TSPAN18: variants seen among roughly 807,000 people sequenced by gnomAD.
TSPAN18 encodes tetraspanin 18.
TSPAN18 carries 14 observed loss-of-function variants against 27.3 expected under a neutral mutation model. The ratio of observed to expected loss-of-function variants is 0.51; its 90% CI spans 0.34 to 0.80. The LOEUF (loss-of-function observed/expected upper bound fraction) is 0.80, where lower values mean the gene tolerates loss of function less well. Ranked by LOEUF, TSPAN18 falls within the 30% of genes least tolerant of loss-of-function variation. TSPAN18 has a pLI of 0.01. For synonymous variants in TSPAN18, 143 were observed against 136.5 expected, an observed-to-expected ratio of 1.05 and a Z score of -0.33; for missense variants, 268 against 323.9, an observed-to-expected ratio of 0.83 and a Z score of 1.32.
intron 3 of TSPAN18, among the ~76,000 whole-genome samples, chr11:44,865,992 G>A (rs1233510152): frequency 6.6e-6 from 1 of 152,242 alleles, no homozygotes; most frequent in Non-Finnish European, 1.5e-5. Flanking sequence ...AATGTGGATG[G>A]CCACCTGCTG....
intron 3 of TSPAN18, among the ~76,000 whole-genome samples, chr11:44,900,223 G>T (rs1447328538): frequency 6.6e-6 from 1 of 152,248 alleles, no homozygotes; most frequent in African/African-American, 2.4e-5. Context: ...GGATGGAGCA[G>T]GCAAGCCCTG....
chr11:44,761,487 A>C (rs1855454306), intron 1 of TSPAN18, among the ~76,000 whole-genome samples: 1 of 152,092 alleles, frequency 6.6e-6, no homozygotes, highest in Admixed American at 6.5e-5. Context: ...CTTAAATGGG[A>C]ATTAGGATTA....
chr11:44,747,407 G>A (rs1353624252), intron 1 of TSPAN18, among the ~76,000 whole-genome samples: 1 of 152,208 alleles, frequency 6.6e-6, no homozygotes, highest in Non-Finnish European at 1.5e-5. Flanking sequence ...GACTCAGTAG[G>A]CTTATCTGGA....
intron 2 of TSPAN18, among the ~76,000 whole-genome samples, chr11:44,816,306 T>TTA (rs1292351192): frequency 6.6e-6 from 1 of 152,190 alleles, no homozygotes. Flanking sequence ...TGCCACACAT[T>TTA]TGCCATTCCT....
intron 2 of TSPAN18, among the ~76,000 whole-genome samples, chr11:44,782,992 C>G (rs762140902): frequency 6.6e-6 from 1 of 152,066 alleles, no homozygotes; most frequent in East Asian, 1.9e-4. Context: ...CCATGCCTGG[C>G]TAATTTTTGT....
In TSPAN18 at chr11:44,889,768, G is replaced by A. The variant is rs116328978; in HGVS notation, c.-10-16639G>A. On this transcript the variant is annotated intron_variant, in intron 3 of 9. Transcript: ENST00000520358. ...AGCCCTGGACCCCAGATAAACCTCA[G>A]GGGCCTTCTCATCTTGTGGTCTCTG... Among the ~76,000 whole-genome samples the A allele has an allele frequency of 6.4e-3, 971 of 152,346 alleles. 16 individuals carry two copies. Among genetic ancestry groups the A allele is most frequent in the African/African-American group, 0.022 (930 of 41,574 alleles).
At chr11:44,901,497 A>T (rs1384113969) in intron 3 of TSPAN18, among the ~76,000 whole-genome samples, 1 of 152,168 alleles carries the variant, frequency 6.6e-6, no homozygotes, top group Non-Finnish European at 1.5e-5. Context: ...GCACAGGACT[A>T]CTCAGCCTCT....
intron 8 of TSPAN18, among the ~76,000 whole-genome samples, chr11:44,923,185 C>A (rs1233425776): frequency 2.0e-5 from 3 of 152,116 alleles, no homozygotes; most frequent in Non-Finnish European, 2.9e-5. Context: ...TGGGGTGGAG[C>A]TGGAGGGGTC....
intron 3 of TSPAN18, among the ~76,000 whole-genome samples, chr11:44,875,627 G>C (rs11604383): frequency 0.2 from 31,086 of 152,204 alleles, 3,622 homozygotes; most frequent in East Asian, 0.28. Flanking sequence ...TCAAATCCTT[G>C]TAACTACCTT....
At chr11:44,806,238 T>C (rs1856591537) in intron 2 of TSPAN18, among the ~76,000 whole-genome samples, 1 of 152,108 alleles carries the variant, frequency 6.6e-6, no homozygotes, top group South Asian at 2.1e-4. Flanking sequence ...TTTTGCCATG[T>C]TGGCCAGGCC....
At chr11:44,918,511 G>A (rs1181945480) in intron 6 of TSPAN18, among the ~76,000 whole-genome samples, 2 of 151,300 alleles carry the variant, frequency 1.3e-5, no homozygotes, top group African/African-American at 4.9e-5. Context: ...GTTGACCAGA[G>A]CCAGGCACCA....
intron 6 of TSPAN18, among the ~76,000 whole-genome samples, chr11:44,918,813 C>T (rs937483559): frequency 6.6e-6 from 1 of 151,886 alleles, no homozygotes; most frequent in Non-Finnish European, 1.5e-5. Flanking sequence ...TGTACAAAGA[C>T]TTCCTGCCCG....
chr11:44,781,440 C>T (rs1855937717), intron 2 of TSPAN18, among the ~76,000 whole-genome samples: 1 of 152,220 alleles, frequency 6.6e-6, no homozygotes, highest in South Asian at 2.1e-4. Context: ...TTCTCGATGG[C>T]TGGGACACTG....
chr11:44,892,799 CCTA>C (rs1858896897), intron 3 of TSPAN18, among the ~76,000 whole-genome samples: 1 of 152,242 alleles, frequency 6.6e-6, no homozygotes, highest in African/African-American at 2.4e-5. Context: ...GGTCCTCCAA[CCTA>C]CTGTGTGACT....
In TSPAN18 at chr11:44,931,034, G is replaced by T; in HGVS notation, c.*1856G>T. ...TGCAGCCAGAAGCTCTGTGCCTGCT[G>T]CAAAGATTCAGGTGGACCCTCCTCT... On this transcript the variant is annotated 3_prime_UTR_variant, in exon 10 of 10. Transcript: ENST00000520358. The T allele has an allele frequency of 2.2e-6, 1 of 453,398 alleles. No homozygotes were observed. The allele number at this position is 453,398 out of a possible 1,614,324, so 28.1% of individuals were successfully genotyped here.
intron 2 of TSPAN18, among the ~76,000 whole-genome samples, chr11:44,850,322 C>T (rs886796232): frequency 1.3e-5 from 2 of 152,102 alleles, no homozygotes; most frequent in Non-Finnish European, 2.9e-5. Flanking sequence ...GCCAAGAGAA[C>T]CGATGACAAT....
chr11:44,827,704 C>G (rs960530789), intron 2 of TSPAN18, among the ~76,000 whole-genome samples: 1 of 152,220 alleles, frequency 6.6e-6, no homozygotes, highest in African/African-American at 2.4e-5. Flanking sequence ...CCTGTTCCCA[C>G]TACAAAAGAT....
intron 2 of TSPAN18, among the ~76,000 whole-genome samples, chr11:44,798,991 C>T (rs1208626153): frequency 6.6e-6 from 1 of 150,706 alleles, no homozygotes; most frequent in Non-Finnish European, 1.5e-5. Flanking sequence ...CCCCACCCCG[C>T]CTTTGTGACT....
At chr11:44,735,081 C>G (rs903595554) in intron 1 of TSPAN18, among the ~76,000 whole-genome samples, 1 of 152,204 alleles carries the variant, frequency 6.6e-6, no homozygotes. Flanking sequence ...TTCTGAGATG[C>G]GCATTCTTCT....
Sources: gnomAD v4.1 joint callset for allele counts (sites outside exome capture counted in the v4.1 genomes callset) on GRCh38, gnomAD v4.1.1 for gene constraint, MANE v1.5 for transcripts, NCBI Gene and HGNC (gene_info 2026-07-23, HGNC 2026-07-21) for gene names.